Variants in ISG20L2 observed in about 807,000 individuals in gnomAD.
ISG20L2 encodes interferon-stimulated 20 kDa exonuclease-like 2.
A neutral mutation model predicts 27.8 loss-of-function variants in ISG20L2; 14 were observed. The observed-to-expected ratio is 0.50, with a 90% confidence interval of 0.33 to 0.79. The LOEUF (loss-of-function observed/expected upper bound fraction) is 0.79, where lower values mean the gene tolerates loss of function less well. ISG20L2 is among the 30% of genes least tolerant of loss of function. The pLI is 0.02. For missense variants in ISG20L2, 393 were observed against 435.1 expected, an observed-to-expected ratio of 0.90 and a Z score of 0.86; for synonymous variants, 157 against 165.7, an observed-to-expected ratio of 0.95 and a Z score of 0.40.
At position 156,723,259 on chromosome 1, in the gene ISG20L2, T is replaced by G; in HGVS notation, c.*90A>C. On this transcript the variant is annotated 3_prime_UTR_variant, in exon 4 of 4. Coordinates refer to ENST00000368219, the MANE Select transcript of ISG20L2 (RefSeq NM_001370150.2). ...TCCCCAAATCTAGCTTCCAAAGATG[T>G]GGAGCTGGTGGAGCTGTCCATTGGT... 5 of 1,472,746 alleles carry G rather than the reference T, an allele frequency of 3.4e-6. No individual in the cohort carries two copies. The highest frequency in any genetic ancestry group is 4.7e-6 in the Non-Finnish European group (5 of 1,067,018). The allele number at this position is 1,472,746 out of a possible 1,614,324, so 91.2% of individuals were successfully genotyped here. A position where few individuals can be genotyped will look rare whatever the true frequency, so the allele number is the denominator to read the frequency against.
In ISG20L2 at chr1:156,728,586, G is replaced by C. The variant is rs1488220731; in HGVS notation, c.-289C>G. On this transcript the variant is annotated 5_prime_UTR_variant, in exon 1 of 4. Coordinates refer to ENST00000368219, the MANE Select transcript of ISG20L2 (RefSeq NM_001370150.2). The stretch of plus-strand genomic sequence containing the variant: ...TAGTGAGGCCAGTGATTCCGAGTGT[G>C]TGAGGAGCGGCAGTGGCGGCGGAGG... The C allele has an allele frequency of 1.0e-6, 1 of 985,030 alleles. No homozygotes were observed. Among genetic ancestry groups the C allele is most frequent in the East Asian group, 1.1e-4 (1 of 8,734 alleles). The allele number at this position is 985,030 out of a possible 1,614,324, so 61.0% of individuals were successfully genotyped here. A position where few individuals can be genotyped will look rare whatever the true frequency, so the allele number is the denominator to read the frequency against.
Position 156,724,177 on chromosome 1 carries a change from T to A in ISG20L2, c.919A>T (p.Thr307Ser), listed in dbSNP as rs1648653717. ...ATATCCCGGTTTAGCAGCTTCTTGGTGAGATGCTTCAGAGACATGGTGGCA... is the reference window on the plus strand; with the variant it reads ...ATATCCCGGTTTAGCAGCTTCTTGGAGAGATGCTTCAGAGACATGGTGGCA... ...ENATMSLKHL[T>S]KKLLNRDIQV... Residue 307 changes from threonine to serine, a missense_variant, in exon 3 of 4, where the codon ACC becomes TCC. Thr to Ser is a moderately conservative substitution (Grantham distance 58, BLOSUM62 1). Coordinates refer to ENST00000368219, the MANE Select transcript of ISG20L2 (RefSeq NM_001370150.2). The A allele has an allele frequency of 6.2e-7, 1 of 1,611,034 alleles. No homozygotes were observed. The highest frequency in any genetic ancestry group is 8.5e-7 in the Non-Finnish European group (1 of 1,178,974).
rs1648831086 is a variant in ISG20L2, at chr1:156,727,374, G to C, written c.279C>G (p.Asp93Glu). Reference protein sequence around the residue: ...ASSNGSGQPLDKKAAVSWLTP... With the variant: ...ASSNGSGQPLEKKAAVSWLTP... ...TCAACCAAGACACTGCAGCTTTCTT[G>C]TCCAGGGGCTGTCCTGACCCATTGC... is the stretch of plus-strand genomic sequence containing the variant. Residue 93 changes from aspartate to glutamate, a missense_variant, in exon 2 of 4, where the codon GAC (aspartate) becomes GAG (glutamate). This residue lies in a region of ISG20L2 where 183 missense variants were observed against 168.2 expected (regional missense o/e 1.09). Transcript: ENST00000368219. The C allele has an allele frequency of 1.2e-6, 2 of 1,614,190 alleles. No homozygotes were observed. The highest frequency in any genetic ancestry group is 1.7e-6 in the Non-Finnish European group (2 of 1,180,038).
chr1:156,725,763 C>G, intron 2 of ISG20L2: 1 of 625,552 alleles, frequency 1.6e-6, no homozygotes, highest in Non-Finnish European at 2.0e-6. Context: ...CCCGTCCCAT[C>G]TTCTGCCTCT....
At chr1:156,726,757 C>T in intron 2 of ISG20L2, 149 bp downstream of exon 2, 1 of 1,446,802 alleles carries the variant, frequency 6.9e-7, no homozygotes, top group Admixed American at 2.7e-5. Flanking sequence ...CTTCTTCCAC[C>T]GACAGGGGGC....
chr1:156,727,915 G>C (rs914285348), intron 1 of ISG20L2, 146 bp from the exon 2 acceptor site: 9 of 1,224,402 alleles, frequency 7.4e-6, no homozygotes, highest in Middle Eastern at 3.3e-4. Context: ...ATGAAATGAT[G>C]GAGGGAGCAT....
rs1005249448 is a variant in ISG20L2 at position 156,726,051 on chromosome 1, G to T, written c.747+855C>A. 4.1e-6 allele frequency: 4 copies of T among 985,226 alleles called. No homozygotes were observed. In the African/African-American group the frequency reaches 7.0e-5, roughly 17 times the overall value. 61.0% of individuals were successfully genotyped at this position (985,226 alleles called of 1,614,324 possible). A position where few individuals can be genotyped will look rare whatever the true frequency, so the allele number is the denominator to read the frequency against. Reference sequence around the variant, plus strand: ...CCCCTCCCAGCTCACTCTCCTTTCCGTTCATGCCTTGCGCTCCATGGCCAG... The same window carrying T: ...CCCCTCCCAGCTCACTCTCCTTTCCTTTCATGCCTTGCGCTCCATGGCCAG... On this transcript the variant is annotated intron_variant, in intron 2 of 3. Transcript: ENST00000368219.
intron 1 of ISG20L2, 40 bp downstream of exon 1, chr1:156,728,375 C>A (rs1648912050): frequency 1.0e-6 from 1 of 985,586 alleles, no homozygotes; most frequent in Non-Finnish European, 1.2e-6. Flanking sequence ...TACTTCGGAT[C>A]CCCGCGGTAC....
rs755839227 is a variant in ISG20L2 at position 156,723,306 on chromosome 1, G to A, written c.*43C>T. On this transcript the variant is annotated 3_prime_UTR_variant, in exon 4 of 4. Transcript: ENST00000368219. ...TGGTCCACTGCCCTGTTTCTCCTGGGTGCTGCCTCTGCCTCCTCATATCAC... is the reference window on the plus strand; with the variant it reads ...TGGTCCACTGCCCTGTTTCTCCTGGATGCTGCCTCTGCCTCCTCATATCAC... The A allele has an allele frequency of 6.2e-7, 1 of 1,612,230 alleles. No individual in the cohort carries two copies. Among genetic ancestry groups the A allele is most frequent in the Admixed American group, 1.7e-5 (1 of 59,984 alleles).
Position 156,728,479 on chromosome 1 carries a change from G to C in ISG20L2, c.-182C>G, listed in dbSNP as rs925975677. ...CCGGATGCGGAAATCGGTGCGCGCC[G>C]ACGAAGCCCGGGAAGGCAGGCGCGC... is the stretch of plus-strand genomic sequence containing the variant. On this transcript the variant is annotated 5_prime_UTR_variant, in exon 1 of 4. Transcript: ENST00000368219. 1.9e-5 allele frequency: 19 copies of C among 985,624 alleles called. No homozygotes were observed. Among genetic ancestry groups the C allele is most frequent in the Middle Eastern group, 1.0e-3 (2 of 1,914 alleles). 61.1% of individuals were successfully genotyped at this position (985,624 alleles called of 1,614,324 possible).
intron 3 of ISG20L2, 124 bp downstream of exon 3, chr1:156,724,024 T>C: frequency 8.9e-7 from 1 of 1,127,688 alleles, no homozygotes; most frequent in African/African-American, 1.5e-5. Flanking sequence ...CAGATGGAGC[T>C]CTTCCCATCA....
chr1:156,725,922 G>C (rs1648736530), intron 2 of ISG20L2: 2 of 985,412 alleles, frequency 2.0e-6, no homozygotes, highest in Admixed American at 6.1e-5. Flanking sequence ...TGTCCAGAGA[G>C]GGCAGAGTGT....
Position 156,723,125 on chromosome 1 carries a change from G to A in ISG20L2, c.*224C>T, listed in dbSNP as rs930248469. 6 of 564,900 alleles carry A rather than the reference G, an allele frequency of 1.1e-5. No homozygotes were observed. Among genetic ancestry groups the A allele is most frequent in the Non-Finnish European group, 1.9e-5 (6 of 318,614 alleles). The allele number at this position is 564,900 out of a possible 1,614,324, so 35.0% of individuals were successfully genotyped here. A position where few individuals can be genotyped will look rare whatever the true frequency, so the allele number is the denominator to read the frequency against. On this transcript the variant is annotated 3_prime_UTR_variant, in exon 4 of 4. Transcript: ENST00000368219. ...TTAAGAAGTAAAAGGTATAGGGTTG[G>A]GTTCTGACGTGAAGGCTTTCCCCTT...
intron 3 of ISG20L2, chr1:156,723,818 T>TGGGCC: frequency 8.1e-7 from 1 of 1,238,412 alleles, no homozygotes. Flanking sequence ...TCCTGCCAGA[T>TGGGCC]GGGCCACCCT....
Position 156,727,257 on chromosome 1 carries a change from G to A in ISG20L2, c.396C>T (p.His132=). ...AGCTCTTCTTCTGAGAGCGGGTTGG[G>A]TGGCTATTGATCTTTGGAAGGGCAC... ...FQSALPKINS[H]PTRSQKKSSQ... The change falls in exon 2 of 4, where the codon CAC becomes CAT. Residue 132 remains histidine, a synonymous_variant. Coordinates refer to ENST00000368219, the MANE Select transcript of ISG20L2 (RefSeq NM_001370150.2). 2 of 1,614,088 alleles carry A rather than the reference G, an allele frequency of 1.2e-6. No homozygotes were observed. The highest frequency in any genetic ancestry group is 1.7e-6 in the Non-Finnish European group (2 of 1,180,014).
At chr1:156,723,872 A>G (rs750838816) in intron 3 of ISG20L2, 22 of 1,287,980 alleles carry the variant, frequency 1.7e-5, no homozygotes, top group Non-Finnish European at 4.0e-6. Context: ...CCTTGCATCC[A>G]CTACACGGTC....
chr1:156,727,310 T>C lies in ISG20L2; in HGVS notation c.343A>G (p.Lys115Glu). 5.6e-6 allele frequency: 9 copies of C among 1,614,206 alleles called. No homozygotes were observed. Among genetic ancestry groups the C allele is most frequent in the South Asian group, 1.1e-5 (1 of 91,086 alleles). ...PSKKADSVAAKVDLLGEFQSA... is the reference protein window; with the variant it reads ...PSKKADSVAAEVDLLGEFQSA... The stretch of plus-strand genomic sequence containing the variant: ...TGGAACTCCCCCAGCAAATCTACTT[T>C]AGCAGCAACAGAATCAGCCTTTTTT... The change falls in exon 2 of 4, where the codon AAA (lysine) becomes GAA (glutamate). Residue 115 changes from lysine (K) to glutamate (E), a missense_variant. Transcript: ENST00000368219.
chr1:156,728,428 C>A lies in ISG20L2; in HGVS notation c.-131G>T. 2.0e-6 allele frequency: 2 copies of A among 985,712 alleles called. No individual in the cohort carries two copies. The highest frequency in any genetic ancestry group is 2.4e-6 in the Non-Finnish European group (2 of 829,960). The allele number at this position is 985,712 out of a possible 1,614,324, so 61.1% of individuals were successfully genotyped here. A position where few individuals can be genotyped will look rare whatever the true frequency, so the allele number is the denominator to read the frequency against. ...TCACAAACCTACCTCCCAGACGGGT[C>A]CAGCTAAGACCGGAAGCGTCCGGAG... On this transcript the variant is annotated 5_prime_UTR_variant, in exon 1 of 4. Coordinates refer to ENST00000368219, the MANE Select transcript of ISG20L2 (RefSeq NM_001370150.2).
In ISG20L2 at chr1:156,727,607, T is replaced by TG; in HGVS notation, c.45dup (p.Lys16GlnfsTer28). On this transcript the variant is annotated frameshift_variant, in exon 2 of 4. Coordinates refer to ENST00000368219, the MANE Select transcript of ISG20L2 (RefSeq NM_001370150.2). LOFTEE classifies it high-confidence loss of function. ...TTGGCATTTCCTTCTAATGCCTTTT[T>TG]GGGAGGAGGTTCCCCAAAATCCAGA... 1 of 1,613,986 alleles carries TG rather than the reference T, an allele frequency of 6.2e-7. No individual in the cohort carries two copies. The highest frequency in any genetic ancestry group is 8.5e-7 in the Non-Finnish European group (1 of 1,179,974).
Sources: gnomAD v4.1 joint callset for allele counts on GRCh38, gnomAD v4.1.1 for gene constraint, gnomAD v4.1.1 regional missense constraint, MANE v1.5 for transcripts, NCBI Gene and HGNC (gene_info 2026-07-23, HGNC 2026-07-21) for gene names.